The following CCNI2 variants were observed in gnomAD, a reference collection of about 807,000 sequenced individuals.
CCNI2 encodes cyclin I family member 2, also known as cyclin-I2.
In CCNI2, 32 loss-of-function variants were observed where a neutral mutation model predicts 33.2. The ratio of observed to expected loss-of-function variants is 0.96; its 90% CI spans 0.73 to 1.30. The LOEUF is 1.30. Ranked by LOEUF, CCNI2 falls within the 50% of genes most tolerant of loss-of-function variation. CCNI2 has a pLI of 0.00. For synonymous variants in CCNI2, 231 were observed against 219.9 expected (o/e 1.05, Z -0.45); for missense variants, 452 against 486.2 (o/e 0.93, Z 0.66).
intron 2 of CCNI2, among the ~76,000 whole-genome samples, chr5:132,748,894 C>T (rs964240059): frequency 4.6e-5 from 7 of 152,094 alleles, no homozygotes; most frequent in Non-Finnish European, 1.0e-4. Context: ...TTGGTCAGAT[C>T]TAAAAACGGC....
intron 3 of CCNI2, 48 bp downstream of exon 3, chr5:132,749,470 G>T (rs1400318722): frequency 1.2e-5 from 17 of 1,475,614 alleles, no homozygotes; most frequent in Non-Finnish European, 1.6e-5. Flanking sequence ...AGGTATAGGG[G>T]TGTAACATTG....
At position 132,749,417 on chromosome 5, in the gene CCNI2, G is replaced by A. The variant is rs1229683296; in HGVS notation, c.628G>A (p.Glu210Lys). The change falls in exon 3 of 6, where the codon GAG becomes AAG. Residue 210 changes from glutamate (E) to lysine (K), a missense_variant. Physicochemically the swap from Glu to Lys is moderately conservative, Grantham distance 56. Coordinates refer to ENST00000378731, the MANE Select transcript of CCNI2 (RefSeq NM_001039780.4). ...LRLAAKVNEE[E>K]EFIPQVKDFT... is the part of the protein sequence containing the mutation. Reference sequence around the variant, plus strand: ...GCTCGCTGCAAAAGTTAATGAAGAAGAGGAGGTATGCATCCTTGGAAGTCC... The same window carrying A: ...GCTCGCTGCAAAAGTTAATGAAGAAAAGGAGGTATGCATCCTTGGAAGTCC... 1.2e-6 allele frequency: 2 copies of A among 1,613,884 alleles called. No individual in the cohort carries two copies. Among genetic ancestry groups the A allele is most frequent in the Admixed American group, 1.7e-5 (1 of 60,018 alleles).
chr5:132,754,189 C>G lies in CCNI2; in HGVS notation c.*1219C>G. On this transcript the variant is annotated 3_prime_UTR_variant, in exon 6 of 6. Coordinates refer to ENST00000378731, the MANE Select transcript of CCNI2 (RefSeq NM_001039780.4). ...GATCCTGTATGAGTCTTATTTTGAG[C>G]TACCATGCATTTAGCCTTGCGAGAG... is the stretch of plus-strand genomic sequence containing the variant. 1 of 510,990 alleles carries G rather than the reference C, an allele frequency of 2.0e-6. No individual in the cohort carries two copies. The highest frequency in any genetic ancestry group is 3.3e-5 in the Admixed American group (1 of 30,096). The allele number at this position is 510,990 out of a possible 1,614,324, so 31.7% of individuals were successfully genotyped here.
chr5:132,749,116 TGTG>T (rs1754698419), intron 2 of CCNI2, among the ~76,000 whole-genome samples: 1 of 151,824 alleles, frequency 6.6e-6, no homozygotes, highest in African/African-American at 2.4e-5. Flanking sequence ...ATTAGCCAGG[TGTG>T]GTGGCCCGCC....
Position 132,753,481 on chromosome 5 carries a change from C to T in CCNI2, c.*511C>T, listed in dbSNP as rs977721870. On this transcript the variant is annotated 3_prime_UTR_variant, in exon 6 of 6. Transcript: ENST00000378731. ...AGTCCCAACTACCCTGCCTGCCACT[C>T]CTCACATGGGACAGTCTCTGCAGAT... 1 of 158,652 alleles carries T rather than the reference C, an allele frequency of 6.3e-6. No individual in the cohort carries two copies. Among genetic ancestry groups the T allele is most frequent in the African/African-American group, 2.4e-5 (1 of 41,638 alleles). 9.8% of individuals were successfully genotyped at this position (158,652 alleles called of 1,614,324 possible). A position where few individuals can be genotyped will look rare whatever the true frequency, so the allele number is the denominator to read the frequency against.
rs1303594606 is a variant in CCNI2, at chr5:132,751,998, T to C, written c.807T>C (p.His269=). 28 of 1,612,126 alleles carry C rather than the reference T, an allele frequency of 1.7e-5. No homozygotes were observed. Among genetic ancestry groups the C allele is most frequent in the Middle Eastern group, 1.6e-4 (1 of 6,076 alleles). The change falls in exon 5 of 6, where the codon CAT becomes CAC. Residue 269 remains histidine, a synonymous_variant. Transcript: ENST00000378731. The stretch of plus-strand genomic sequence containing the variant: ...CCCTGGTGGTCCTGAGCTGGCCCCA[T>C]GTGTTGGAGCTGCTGCCTCAGAGGA... ...FHALVVLSWP[H]VLELLPQRNP...
rs189626106 is a variant in CCNI2, at chr5:132,749,371, C to T, written c.582C>T (p.Cys194=). Residue 194 remains cysteine, a synonymous_variant, in exon 3 of 6, where the codon TGC becomes TGT. Transcript: ENST00000378731. ...AGGTAAAAGAGAAATACCTGCATTGCGCCACAATTACTTCCTTGAGGCTCG... is the reference window on the plus strand; with the variant it reads ...AGGTAAAAGAGAAATACCTGCATTGTGCCACAATTACTTCCTTGAGGCTCG... ...SVKVKEKYLH[C]ATITSLRLAA... is the part of the protein sequence containing the mutation. 2.1e-5 allele frequency: 34 copies of T among 1,614,050 alleles called. No individual in the cohort carries two copies. Among genetic ancestry groups the T allele is most frequent in the African/African-American group, 9.3e-5 (7 of 75,036 alleles).
intron 3 of CCNI2, among the ~76,000 whole-genome samples, chr5:132,750,438 C>T: frequency 6.6e-6 from 1 of 152,204 alleles, no homozygotes; most frequent in East Asian, 1.9e-4. Context: ...GTGTCTGGTA[C>T]AGACTAGGAA....
rs191133240 is a variant in CCNI2 at position 132,752,593 on chromosome 5, T to C, written c.1006-273T>C. Among the ~76,000 whole-genome samples the C allele has an allele frequency of 4.6e-5, 7 of 152,138 alleles. No homozygotes were observed. The East Asian group carries it at 9.7e-4, about 21-fold the overall frequency. On this transcript the variant is annotated intron_variant, in intron 5 of 5. Transcript: ENST00000378731. Reference sequence around the variant, plus strand: ...GAGTGTGTGGTACCAGGTACAGGGGTACCATGAGGCAAGCATTGTGGGGGC... The same window carrying C: ...GAGTGTGTGGTACCAGGTACAGGGGCACCATGAGGCAAGCATTGTGGGGGC...
intron 3 of CCNI2, 187 bp from the exon 4 acceptor site, chr5:132,750,670 C>T: frequency 1.7e-6 from 1 of 586,366 alleles, no homozygotes; most frequent in African/African-American, 1.9e-5. Flanking sequence ...ATGTTCACTA[C>T]ATAACTACCT....
chr5:132,748,600 C>T (rs907956435), intron 2 of CCNI2, 125 bp downstream of exon 2: 1 of 1,184,932 alleles, frequency 8.4e-7, no homozygotes, highest in East Asian at 2.4e-5. Flanking sequence ...CTAACTTGCT[C>T]CGAGTGGAAG....
chr5:132,752,907 G>T lies in CCNI2; in HGVS notation c.1047G>T (p.Met349Ile). Residue 349 changes from methionine (M) to isoleucine (I), a missense_variant, in exon 6 of 6, where the codon ATG becomes ATT. Transcript: ENST00000378731. Reference sequence around the variant, plus strand: ...ACAGCTGCTGCAAGGAACTTGTAATGCAGCAACTGAGAAGTCTTCAGTCAT... The same window carrying T: ...ACAGCTGCTGCAAGGAACTTGTAATTCAGCAACTGAGAAGTCTTCAGTCAT... Reference protein sequence around the residue: ...MQYSCCKELVMQQLRSLQSSS... With the variant: ...MQYSCCKELVIQQLRSLQSSS... 6.2e-7 allele frequency: 1 copy of T among 1,614,154 alleles called. No individual in the cohort carries two copies. Among genetic ancestry groups the T allele is most frequent in the Non-Finnish European group, 8.5e-7 (1 of 1,180,034 alleles).
rs1561723581 is a variant in CCNI2 at position 132,747,527 on chromosome 5, C to T, written c.32C>T (p.Pro11Leu). 8.0e-6 allele frequency: 12 copies of T among 1,501,250 alleles called. No individual in the cohort carries two copies. The highest frequency in any genetic ancestry group is 3.7e-5 in the South Asian group (3 of 80,002). The allele number at this position is 1,501,250 out of a possible 1,614,324, so 93.0% of individuals were successfully genotyped here. A position where few individuals can be genotyped will look rare whatever the true frequency, so the allele number is the denominator to read the frequency against. The stretch of plus-strand genomic sequence containing the variant: ...TCGGGCGCTCAGCTCCCGCCGCAGC[C>T]GTCGAGCTCAGAGGTCAGCGCCGTC... MASGAQLPPQ[P>L]SSSEVSAVQS... Residue 11 changes from proline to leucine, a missense_variant, in exon 1 of 6, where the codon CCG (proline) becomes CTG (leucine). Coordinates refer to ENST00000378731, the MANE Select transcript of CCNI2 (RefSeq NM_001039780.4). The surrounding 1 kb of genome is among the most constrained non-coding windows in gnomAD (Gnocchi z 4.1).
Position 132,747,550 on chromosome 5 carries a change from G to A in CCNI2, c.55G>A (p.Val19Ile). Residue 19 changes from valine to isoleucine, a missense_variant, in exon 1 of 6, where the codon GTC (valine) becomes ATC (isoleucine). Physicochemically the swap from Val to Ile is conservative, Grantham distance 29. Transcript: ENST00000378731. This position sits in a 1 kb window ranked among gnomAD's most constrained non-coding sequence, Gnocchi z 4.1. ...GCCGTCGAGCTCAGAGGTCAGCGCC[G>A]TCCAGAGCCCAGGCGGGCGTCCCGG... ...PQPSSSEVSA[V>I]QSPGGRPGAG... 1 of 1,504,642 alleles carries A rather than the reference G, an allele frequency of 6.6e-7. No homozygotes were observed. The highest frequency in any genetic ancestry group is 8.8e-7 in the Non-Finnish European group (1 of 1,133,250). The allele number at this position is 1,504,642 out of a possible 1,614,324, so 93.2% of individuals were successfully genotyped here. A position where few individuals can be genotyped will look rare whatever the true frequency, so the allele number is the denominator to read the frequency against.
intron 4 of CCNI2, chr5:132,751,560 A>T (rs41298944): frequency 5.8e-4 from 137 of 235,194 alleles, no homozygotes; most frequent in Non-Finnish European, 9.8e-4. Context: ...AAGCATGAAG[A>T]TTAAATTACT....
chr5:132,749,640 C>T (rs1754726896), intron 3 of CCNI2, among the ~76,000 whole-genome samples: 1 of 152,188 alleles, frequency 6.6e-6, no homozygotes, highest in African/African-American at 2.4e-5. Context: ...CCTGGCCCAC[C>T]AAACCTAGAG....
chr5:132,754,413 C>T (rs1233569160), downstream of CCNI2: 3 of 717,442 alleles, frequency 4.2e-6, no homozygotes, highest in South Asian at 3.0e-5. Flanking sequence ...AGGGCCCATA[C>T]CAGTTTAGGC....
rs530150177 is a variant in CCNI2 at position 132,753,363 on chromosome 5, T to C, written c.*393T>C. 4.5e-6 allele frequency: 1 copy of C among 223,148 alleles called. No individual in the cohort carries two copies. The highest frequency in any genetic ancestry group is 8.1e-5 in the South Asian group (1 of 12,420). 13.8% of individuals were successfully genotyped at this position (223,148 alleles called of 1,614,324 possible). A position where few individuals can be genotyped will look rare whatever the true frequency, so the allele number is the denominator to read the frequency against. On this transcript the variant is annotated 3_prime_UTR_variant, in exon 6 of 6. Coordinates refer to ENST00000378731, the MANE Select transcript of CCNI2 (RefSeq NM_001039780.4). ...TGGCTCAGGGCTGAAGGGCTGGGGC[T>C]AGCTCTGACCAGTTCTTGCTGCTCT...
At position 132,754,195 on chromosome 5, in the gene CCNI2, T is replaced by A. The variant is rs188360593; in HGVS notation, c.*1225T>A. The A allele has an allele frequency of 1.9e-6, 1 of 531,110 alleles. No individual in the cohort carries two copies. The highest frequency in any genetic ancestry group is 3.0e-5 in the East Asian group (1 of 33,126). 32.9% of individuals were successfully genotyped at this position (531,110 alleles called of 1,614,324 possible). A position where few individuals can be genotyped will look rare whatever the true frequency, so the allele number is the denominator to read the frequency against. On this transcript the variant is annotated 3_prime_UTR_variant, in exon 6 of 6. Coordinates refer to ENST00000378731, the MANE Select transcript of CCNI2 (RefSeq NM_001039780.4). The stretch of plus-strand genomic sequence containing the variant: ...GTATGAGTCTTATTTTGAGCTACCA[T>A]GCATTTAGCCTTGCGAGAGTCAGAT...
Sources: gnomAD v4.1 joint callset for allele counts (sites outside exome capture counted in the v4.1 genomes callset) on GRCh38, gnomAD v4.1.1 for gene constraint, Gnocchi (gnomAD v3.1) non-coding constraint, MANE v1.5 for transcripts, NCBI Gene and HGNC (gene_info 2026-07-23, HGNC 2026-07-21) for gene names.